Variants in PAQR8 observed in about 807,000 individuals in gnomAD.
The protein encoded by PAQR8 is membrane progestin receptor beta.
A neutral mutation model predicts 25.2 loss-of-function variants in PAQR8; 17 were observed. That is an observed-to-expected ratio of 0.67 (90% confidence interval 0.46 to 1.01). The LOEUF (loss-of-function observed/expected upper bound fraction) is 1.01, where lower values mean the gene tolerates loss of function less well. Among genes scored for constraint, PAQR8 ranks in the 50% least tolerant of loss-of-function variants. The pLI is 0.00. For missense variants in PAQR8, 392 were observed against 448.4 expected (o/e 0.87, Z 1.14); for synonymous variants, 204 against 190.6 (o/e 1.07, Z -0.58).
intron 1 of PAQR8, among the ~76,000 whole-genome samples, chr6:52,395,330 A>AT (rs886869454): frequency 2.6e-5 from 4 of 151,996 alleles, no homozygotes; most frequent in African/African-American, 4.8e-5. Flanking sequence ...ATTATTCAAC[A>AT]TTTTTTAACA....
At chr6:52,386,587 CAT>C (rs1460320875) in intron 1 of PAQR8, among the ~76,000 whole-genome samples, 5 of 152,246 alleles carry the variant, frequency 3.3e-5, no homozygotes, top group African/African-American at 9.6e-5. Flanking sequence ...CCAAATACCA[CAT>C]GTTTTTACTT....
At chr6:52,375,991 C>T (rs1277301982) in intron 1 of PAQR8, among the ~76,000 whole-genome samples, 1 of 152,198 alleles carries the variant, frequency 6.6e-6, no homozygotes, top group Non-Finnish European at 1.5e-5. Flanking sequence ...AATTGAAACC[C>T]AGAGCCTGTC....
intron 1 of PAQR8, among the ~76,000 whole-genome samples, chr6:52,370,074 G>GTT (rs11304537): frequency 6.8e-6 from 1 of 148,134 alleles, no homozygotes; most frequent in African/African-American, 2.5e-5. Flanking sequence ...GATTGCATGG[G>GTT]TTTTTTTTTT....
intron 1 of PAQR8, among the ~76,000 whole-genome samples, chr6:52,375,917 A>C (rs1410528854): frequency 2.0e-5 from 3 of 152,220 alleles, no homozygotes; most frequent in Non-Finnish European, 4.4e-5. Context: ...TTTGTCAGTA[A>C]GACTAAATCA....
chr6:52,395,091 A>G (rs1400386179), intron 1 of PAQR8, among the ~76,000 whole-genome samples: 1 of 151,846 alleles, frequency 6.6e-6, no homozygotes, highest in Admixed American at 6.6e-5. Context: ...ATATGGTAAA[A>G]CTCTGTCTCT....
chr6:52,394,331 G>A (rs951315622), intron 1 of PAQR8, among the ~76,000 whole-genome samples: 4 of 152,204 alleles, frequency 2.6e-5, no homozygotes, highest in East Asian at 1.9e-4. Flanking sequence ...CACCAAAAAC[G>A]TGTCATTTCA....
At chr6:52,394,915 C>A (rs942938343) in intron 1 of PAQR8, among the ~76,000 whole-genome samples, 1 of 151,520 alleles carries the variant, frequency 6.6e-6, no homozygotes, top group African/African-American at 2.4e-5. Flanking sequence ...ATTTTTACCC[C>A]ATTTTTCTCT....
In PAQR8 at chr6:52,403,261, G is replaced by A. The variant is rs1311523629; in HGVS notation, c.48G>A (p.Gly16=). The A allele has an allele frequency of 2.5e-6, 4 of 1,611,032 alleles. No individual in the cohort carries two copies. Among genetic ancestry groups the A allele is most frequent in the Non-Finnish European group, 2.5e-6 (3 of 1,177,842 alleles). ...LERLSTLSVS[G]QQLRRLPKIL... ...GCCTGAGCACCCTGTCGGTCAGCGG[G>A]CAGCAGCTGCGCCGCCTGCCCAAGA... The change falls in exon 2 of 2, where the codon GGG becomes GGA. Residue 16 remains glycine, a synonymous_variant. Transcript: ENST00000442253.
At chr6:52,403,127 C>A in intron 1 of PAQR8, 35 bp from the exon 2 acceptor site, 2 of 1,155,362 alleles carry the variant, frequency 1.7e-6, no homozygotes, top group Non-Finnish European at 2.4e-6. Flanking sequence ...TCGTGTCTCA[C>A]TGCGGCTTTG....
At chr6:52,375,354 C>A (rs144174620) in intron 1 of PAQR8, among the ~76,000 whole-genome samples, 1,786 of 152,248 alleles carry the variant, frequency 0.012, 27 homozygotes, top group Non-Finnish European at 0.016. Flanking sequence ...AATAAGTAGT[C>A]TATAAAGCCC....
chr6:52,403,595 C>G lies in PAQR8; in HGVS notation c.382C>G (p.Leu128Val), dbSNP rs973359232. Residue 128 changes from leucine (L) to valine (V), a missense_variant, in exon 2 of 2, where the codon CTG (leucine) becomes GTG (valine). Transcript: ENST00000442253. Reference sequence around the variant, plus strand: ...AATCACTTACCTCACCTGCAGCCTTCTGGCCCACCTGCTGCAGTCCAAGTC... The same window carrying G: ...AATCACTTACCTCACCTGCAGCCTTGTGGCCCACCTGCTGCAGTCCAAGTC... ...SSITYLTCSL[L>V]AHLLQSKSEL... The G allele has an allele frequency of 6.2e-7, 1 of 1,614,054 alleles. No homozygotes were observed. The highest frequency in any genetic ancestry group is 8.5e-7 in the Non-Finnish European group (1 of 1,180,052).
intron 1 of PAQR8, among the ~76,000 whole-genome samples, chr6:52,379,848 C>T (rs1763537618): frequency 6.6e-6 from 1 of 152,050 alleles, no homozygotes; most frequent in African/African-American, 2.4e-5. Context: ...AGGATGGTCT[C>T]GATCTGCTGA....
chr6:52,383,436 C>T (rs1341214017), intron 1 of PAQR8, among the ~76,000 whole-genome samples: 4 of 151,812 alleles, frequency 2.6e-5, no homozygotes, highest in East Asian at 1.9e-4. Flanking sequence ...CCGAGGCGGG[C>T]GGATCACGAG....
chr6:52,394,137 C>A (rs940734219), intron 1 of PAQR8, among the ~76,000 whole-genome samples: 1 of 152,080 alleles, frequency 6.6e-6, no homozygotes, highest in East Asian at 1.9e-4. Flanking sequence ...GAGAGGGAAC[C>A]CAGCAGATGG....
intron 1 of PAQR8, among the ~76,000 whole-genome samples, chr6:52,389,964 G>A (rs771225918): frequency 5.9e-5 from 9 of 152,284 alleles, no homozygotes; most frequent in South Asian, 2.1e-4. Context: ...TAACGAAGCC[G>A]ATAGTTACAC....
chr6:52,395,947 C>T (rs1410767881), intron 1 of PAQR8, among the ~76,000 whole-genome samples: 1 of 152,192 alleles, frequency 6.6e-6, no homozygotes, highest in African/African-American at 2.4e-5. Context: ...TTCCTGACTC[C>T]CAAACCATTA....
In PAQR8 at chr6:52,404,256, G is replaced by C. The variant is rs1290905578; in HGVS notation, c.1043G>C (p.Arg348Thr). Reference sequence around the variant, plus strand: ...CTTCTGAGGCACAAAGTCAAGGCCAGACTGACCAAGAAAGATTCCTGAGGC... The same window carrying C: ...CTTCTGAGGCACAAAGTCAAGGCCACACTGACCAAGAAAGATTCCTGAGGC... ...AALLRHKVKA[R>T]LTKKDS Residue 348 changes from arginine to threonine, a missense_variant, in exon 2 of 2, where the codon AGA becomes ACA. Transcript: ENST00000442253. The C allele has an allele frequency of 6.2e-7, 1 of 1,600,630 alleles. No individual in the cohort carries two copies. Among genetic ancestry groups the C allele is most frequent in the African/African-American group, 1.3e-5 (1 of 74,824 alleles).
At chr6:52,375,351 A>G (rs1227772318) in intron 1 of PAQR8, among the ~76,000 whole-genome samples, 5 of 152,196 alleles carry the variant, frequency 3.3e-5, no homozygotes, top group Non-Finnish European at 7.4e-5. Context: ...CTAAATAAGT[A>G]GTCTATAAAG....
At chr6:52,388,060 C>T (rs973855469) in intron 1 of PAQR8, among the ~76,000 whole-genome samples, 1 of 152,152 alleles carries the variant, frequency 6.6e-6, no homozygotes, top group African/African-American at 2.4e-5. Flanking sequence ...ATAATTATTT[C>T]CTTATATATT....
Sources: allele counts gnomAD v4.1 joint callset (sites outside exome capture counted in the v4.1 genomes callset), GRCh38; gene constraint gnomAD v4.1.1; transcripts MANE v1.5; gene names NCBI Gene and HGNC (gene_info 2026-07-23, HGNC 2026-07-21).